PREP: variants seen among roughly 807,000 people sequenced by gnomAD.
PREP encodes prolyl endopeptidase, also known as dJ355L5.1 (prolyl endopeptidase).
A neutral mutation model predicts 87.6 loss-of-function variants in PREP; 29 were observed. The ratio of observed to expected loss-of-function variants is 0.33; its 90% CI spans 0.25 to 0.45. The LOEUF (loss-of-function observed/expected upper bound fraction) is 0.45, where lower values mean the gene tolerates loss of function less well. PREP is among the 20% of genes least tolerant of loss of function. PREP has a pLI of 1.00. For synonymous variants in PREP, 337 were observed against 328.6 expected (o/e 1.03, Z -0.28); for missense variants, 695 against 886.5 (o/e 0.78, Z 2.74).
intron 10 of PREP, among the ~76,000 whole-genome samples, chr6:105,305,840 TTTTC>T (rs1177292542): frequency 2.1e-5 from 1 of 47,026 alleles, no homozygotes; most frequent in African/African-American, 7.0e-5. Flanking sequence ...AGATATATCC[TTTTC>T]TTTTTTTTTT....
chr6:105,350,451 C>A (rs1771918009), intron 7 of PREP, among the ~76,000 whole-genome samples: 2 of 151,950 alleles, frequency 1.3e-5, no homozygotes, highest in Admixed American at 1.3e-4. Flanking sequence ...GGTTATTATC[C>A]CAATATATCC....
At chr6:105,318,597 G>A (rs1049006184) in intron 10 of PREP, among the ~76,000 whole-genome samples, 1 of 152,170 alleles carries the variant, frequency 6.6e-6, no homozygotes, top group African/African-American at 2.4e-5. Flanking sequence ...TGCATGATGG[G>A]GGAAATTCTA....
At chr6:105,380,823 G>T (rs1319235531) in intron 2 of PREP, among the ~76,000 whole-genome samples, 1 of 152,158 alleles carries the variant, frequency 6.6e-6, no homozygotes, top group African/African-American at 2.4e-5. Flanking sequence ...CTTCTGATTT[G>T]CATGAGGCTG....
chr6:105,289,027 G>A lies in PREP; in HGVS notation c.1318-133C>T, dbSNP rs375851356. On this transcript the variant is annotated intron_variant, in intron 10 of 14. Transcript: ENST00000652536. ...AGTGAAAACCTAGTACCTCTCAAGGGCTATTTGGTGAAGCACCTTTCAGTT... is the reference window on the plus strand; with the variant it reads ...AGTGAAAACCTAGTACCTCTCAAGGACTATTTGGTGAAGCACCTTTCAGTT... 7 of 852,664 alleles carry A rather than the reference G, an allele frequency of 8.2e-6. No individual in the cohort carries two copies. The South Asian group carries it at 1.1e-4, about 13-fold the overall frequency. 52.8% of individuals were successfully genotyped at this position (852,664 alleles called of 1,614,324 possible). A position where few individuals can be genotyped will look rare whatever the true frequency, so the allele number is the denominator to read the frequency against.
chr6:105,307,400 G>T (rs1317579446), intron 10 of PREP, among the ~76,000 whole-genome samples: 3 of 152,096 alleles, frequency 2.0e-5, no homozygotes, highest in Non-Finnish European at 4.4e-5. Flanking sequence ...GGTTCCCACA[G>T]AACCTGTGAG....
At chr6:105,316,515 G>A (rs550736190) in intron 10 of PREP, among the ~76,000 whole-genome samples, 36 of 152,328 alleles carry the variant, frequency 2.4e-4, no homozygotes, top group African/African-American at 8.4e-4. Flanking sequence ...AGCACATGCT[G>A]TTGGGAAAAT....
intron 10 of PREP, among the ~76,000 whole-genome samples, chr6:105,307,569 T>C (rs563527617): frequency 1.3e-4 from 20 of 152,240 alleles, no homozygotes; most frequent in Admixed American, 1.2e-3. Flanking sequence ...TTAATAAATA[T>C]CTGTGAAATA....
chr6:105,382,456 G>T (rs953677239), intron 2 of PREP, among the ~76,000 whole-genome samples: 1 of 151,962 alleles, frequency 6.6e-6, no homozygotes, highest in Non-Finnish European at 1.5e-5. Flanking sequence ...ACGAAATACA[G>T]ATACAGGCTC....
intron 6 of PREP, among the ~76,000 whole-genome samples, chr6:105,360,622 T>C (rs1409714347): frequency 6.6e-6 from 1 of 152,214 alleles, no homozygotes; most frequent in Non-Finnish European, 1.5e-5. Context: ...TGTTAGAGTA[T>C]ATGTATAAAA....
At chr6:105,382,845 T>A (rs1289184972) in intron 2 of PREP, among the ~76,000 whole-genome samples, 1 of 152,172 alleles carries the variant, frequency 6.6e-6, no homozygotes, top group Non-Finnish European at 1.5e-5. Context: ...CTAAGAGTGG[T>A]GCTATCTACA....
At chr6:105,389,768 C>T (rs1022067482) in intron 2 of PREP, among the ~76,000 whole-genome samples, 10 of 152,090 alleles carry the variant, frequency 6.6e-5, no homozygotes, top group African/African-American at 1.7e-4. Flanking sequence ...CCTCTGGATC[C>T]GGGCTAGGGA....
At chr6:105,401,542 C>T (rs1231469127) in intron 1 of PREP, among the ~76,000 whole-genome samples, 1 of 152,202 alleles carries the variant, frequency 6.6e-6, no homozygotes. Context: ...CCAGAACTAG[C>T]GCTCTGGTCT....
At chr6:105,312,294 G>A (rs562791764) in intron 10 of PREP, among the ~76,000 whole-genome samples, 2 of 152,304 alleles carry the variant, frequency 1.3e-5, no homozygotes, top group South Asian at 4.2e-4. Flanking sequence ...TACACACATA[G>A]AGGCTAGGAG....
chr6:105,343,526 T>C (rs937025859), intron 7 of PREP, among the ~76,000 whole-genome samples: 5 of 152,256 alleles, frequency 3.3e-5, no homozygotes, highest in Admixed American at 1.3e-4. Context: ...AATTGACAAA[T>C]AGAATCTAAT....
chr6:105,326,926 A>G (rs1415039428), intron 9 of PREP, among the ~76,000 whole-genome samples: 1 of 152,202 alleles, frequency 6.6e-6, no homozygotes, highest in African/African-American at 2.4e-5. Context: ...AGCCACAGTC[A>G]CGGGTAATAT....
chr6:105,336,635 G>C (rs1771487363), intron 7 of PREP, among the ~76,000 whole-genome samples: 1 of 152,144 alleles, frequency 6.6e-6, no homozygotes, highest in African/African-American at 2.4e-5. Flanking sequence ...TATTAAAATA[G>C]CTACAGCATT....
intron 7 of PREP, among the ~76,000 whole-genome samples, chr6:105,342,616 T>C (rs1032363011): frequency 1.3e-5 from 2 of 152,192 alleles, no homozygotes; most frequent in African/African-American, 4.8e-5. Context: ...GATGACACGA[T>C]TGTATATTTA....
chr6:105,346,308 C>T lies in PREP; in HGVS notation c.823+6664G>A, dbSNP rs181440459. Among the ~76,000 whole-genome samples, 21 of 152,316 alleles carry T rather than the reference C, an allele frequency of 1.4e-4. No homozygotes were observed. The East Asian group carries it at 3.9e-3, about 28-fold the overall frequency. ...AAAAGAGTCAGTATCATCTCTGCTACCTAAAAATAAGAGCTGCATTAGTCA... is the reference window on the plus strand; with the variant it reads ...AAAAGAGTCAGTATCATCTCTGCTATCTAAAAATAAGAGCTGCATTAGTCA... On this transcript the variant is annotated intron_variant, in intron 7 of 14. Transcript: ENST00000652536.
At chr6:105,334,344 T>G (rs1022595354) in intron 7 of PREP, among the ~76,000 whole-genome samples, 1 of 152,194 alleles carries the variant, frequency 6.6e-6, no homozygotes, top group Non-Finnish European at 1.5e-5. Context: ...CTTTATTAGA[T>G]GCCACTTTTA....
Sources: gnomAD v4.1 joint callset for allele counts (sites outside exome capture counted in the v4.1 genomes callset) on GRCh38, gnomAD v4.1.1 for gene constraint, MANE v1.5 for transcripts, NCBI Gene and HGNC (gene_info 2026-07-23, HGNC 2026-07-21) for gene names.